Variants in PCBP3 observed in about 807,000 individuals in gnomAD.
PCBP3 encodes the protein poly(rC)-binding protein 3.
In PCBP3, 25 loss-of-function variants were observed where a neutral mutation model predicts 52.7. That is an observed-to-expected ratio of 0.47 (90% confidence interval 0.35 to 0.66). The LOEUF (loss-of-function observed/expected upper bound fraction) is 0.66, where lower values mean the gene tolerates loss of function less well. Ranked by LOEUF, PCBP3 falls within the 30% of genes least tolerant of loss-of-function variation. PCBP3 has a pLI of 0.01. For missense variants in PCBP3, 391 were observed against 490.3 expected, an observed-to-expected ratio of 0.80 and a Z score of 1.91; for synonymous variants, 162 against 183.0, an observed-to-expected ratio of 0.89 and a Z score of 0.93.
intron 1 of PCBP3, among the ~76,000 whole-genome samples, chr21:45,646,103 CTCTCTGTG>C (rs1258943375): frequency 4.9e-4 from 38 of 76,982 alleles, no homozygotes; most frequent in South Asian, 1.5e-3. Flanking sequence ...CTCTCTCTCT[CTCTCTGTG>C]TGTGTGTGTG....
At chr21:45,899,917 G>A (rs1048413666) in intron 7 of PCBP3, among the ~76,000 whole-genome samples, 4 of 152,154 alleles carry the variant, frequency 2.6e-5, no homozygotes, top group African/African-American at 9.7e-5. Flanking sequence ...AAGACCCCAC[G>A]AAGAATGATT....
chr21:45,937,680 C>G (rs923089566), intron 16 of PCBP3, among the ~76,000 whole-genome samples: 3 of 152,220 alleles, frequency 2.0e-5, no homozygotes, highest in Non-Finnish European at 4.4e-5. Context: ...GAGGAGTCTG[C>G]TAACTGCTGG....
chr21:45,931,222 C>T (rs1225573600), intron 15 of PCBP3, among the ~76,000 whole-genome samples: 1 of 152,262 alleles, frequency 6.6e-6, no homozygotes, highest in African/African-American at 2.4e-5. Flanking sequence ...TCCTCAGATA[C>T]TGTGGGGTAG....
intron 2 of PCBP3, among the ~76,000 whole-genome samples, chr21:45,678,773 T>C (rs1406729513): frequency 6.6e-6 from 1 of 151,838 alleles, no homozygotes; most frequent in African/African-American, 2.4e-5. Flanking sequence ...GTTTAGAATA[T>C]TAATATTACA....
intron 5 of PCBP3, among the ~76,000 whole-genome samples, chr21:45,874,814 C>T (rs2095186883): frequency 6.6e-6 from 1 of 152,166 alleles, no homozygotes; most frequent in Non-Finnish European, 1.5e-5. Context: ...CATCCCTTCC[C>T]GTCACTGTGT....
intron 4 of PCBP3, among the ~76,000 whole-genome samples, chr21:45,810,023 G>A (rs112969935): frequency 0.012 from 1,847 of 152,216 alleles, 58 homozygotes; most frequent in African/African-American, 0.042. Flanking sequence ...GCAAATTTTA[G>A]CCTAATAGAA....
At chr21:45,746,722 T>G (rs9980602) in intron 3 of PCBP3, among the ~76,000 whole-genome samples, 313 of 25,898 alleles carry the variant, frequency 0.012, 31 homozygotes, top group Middle Eastern at 0.059. Context: ...CACACGGTGT[T>G]GTGTCAGCAT....
chr21:45,703,024 TC>T, intron 2 of PCBP3, among the ~76,000 whole-genome samples: 1 of 152,220 alleles, frequency 6.6e-6, no homozygotes, highest in African/African-American at 2.4e-5. Context: ...CAACTCCTTA[TC>T]CATTCAAGTT....
At position 45,656,544 on chromosome 21, in the gene PCBP3, T is replaced by A. The variant is rs987581861; in HGVS notation, c.-278-12330T>A. ...CATTAGGAGAACTACCTAATGTAGATGACGGGTTGATGGGTGCAGCAAACC... is the reference window on the plus strand; with the variant it reads ...CATTAGGAGAACTACCTAATGTAGAAGACGGGTTGATGGGTGCAGCAAACC... On this transcript the variant is annotated intron_variant, in intron 1 of 17. Transcript: ENST00000681687. This position sits in a 1 kb window ranked among gnomAD's most constrained non-coding sequence, Gnocchi z 4.3. Among the ~76,000 whole-genome samples, 50 of 152,112 alleles carry A rather than the reference T, an allele frequency of 3.3e-4. No homozygotes were observed. Among genetic ancestry groups the A allele is most frequent in the African/African-American group, 1.2e-3 (50 of 41,408 alleles).
chr21:45,881,121 T>G (rs2095394275), intron 5 of PCBP3, among the ~76,000 whole-genome samples: 1 of 152,160 alleles, frequency 6.6e-6, no homozygotes. Flanking sequence ...CATTTTAATT[T>G]TTATCGTGAG....
intron 4 of PCBP3, among the ~76,000 whole-genome samples, chr21:45,807,880 C>T (rs1221774327): frequency 5.9e-5 from 9 of 152,010 alleles, no homozygotes; most frequent in South Asian, 2.1e-4. Flanking sequence ...CAGAGGCCTC[C>T]GATATAATGC....
intron 2 of PCBP3, among the ~76,000 whole-genome samples, chr21:45,718,457 T>C (rs1179488916): frequency 1.3e-5 from 2 of 151,980 alleles, no homozygotes; most frequent in African/African-American, 2.4e-5. Context: ...TTTTTAAAGG[T>C]AGGTGTTTAC....
intron 6 of PCBP3, among the ~76,000 whole-genome samples, chr21:45,897,168 G>A (rs796861143): frequency 1.5e-4 from 23 of 152,344 alleles, no homozygotes; most frequent in African/African-American, 5.5e-4. Flanking sequence ...GTGCCAACCT[G>A]ATATCTTCTG....
At chr21:45,900,534 C>T (rs375112374) in intron 7 of PCBP3, 57 bp from the exon 8 acceptor site, 71 of 1,423,420 alleles carry the variant, frequency 5.0e-5, no homozygotes, top group Middle Eastern at 1.7e-4. Flanking sequence ...CCATGGGCCG[C>T]GCCGTCCTCA....
chr21:45,693,099 A>C (rs1032109826), intron 2 of PCBP3, among the ~76,000 whole-genome samples: 3 of 152,170 alleles, frequency 2.0e-5, no homozygotes, highest in African/African-American at 7.2e-5. Flanking sequence ...TAATAATAAA[A>C]ATTCTCAGTA....
intron 2 of PCBP3, among the ~76,000 whole-genome samples, chr21:45,707,752 T>C (rs2083548775): frequency 6.6e-6 from 1 of 152,234 alleles, no homozygotes; most frequent in Admixed American, 6.5e-5. Context: ...GTGATAGTCC[T>C]GCTTCTCTGT....
At chr21:45,716,714 A>T (rs2084250283) in intron 2 of PCBP3, among the ~76,000 whole-genome samples, 1 of 152,180 alleles carries the variant, frequency 6.6e-6, no homozygotes, top group African/African-American at 2.4e-5. Context: ...TTTTGTGGGG[A>T]TACAGTTCAG....
intron 4 of PCBP3, among the ~76,000 whole-genome samples, chr21:45,822,789 C>T (rs1245031262): frequency 2.0e-5 from 3 of 152,174 alleles, no homozygotes; most frequent in Non-Finnish European, 4.4e-5. Flanking sequence ...GTTTTGGTGA[C>T]CTTGACTGTC....
chr21:45,772,927 A>G (rs921634367), intron 4 of PCBP3, among the ~76,000 whole-genome samples: 3 of 151,928 alleles, frequency 2.0e-5, no homozygotes, highest in Non-Finnish European at 4.4e-5. Context: ...TAGTGGGACT[A>G]TTTGTTTTTT....
Sources: gnomAD v4.1 joint callset for allele counts (sites outside exome capture counted in the v4.1 genomes callset) on GRCh38, gnomAD v4.1.1 for gene constraint, Gnocchi (gnomAD v3.1) non-coding constraint, MANE v1.5 for transcripts, NCBI Gene and HGNC (gene_info 2026-07-23, HGNC 2026-07-21) for gene names.